The following PTK2 variants were observed in gnomAD, a reference collection of about 807,000 sequenced individuals.
PTK2 encodes focal adhesion kinase 1.
PTK2 carries 45 observed loss-of-function variants against 150.1 expected under a neutral mutation model. The observed-to-expected ratio is 0.30, with a 90% CI of 0.24 to 0.38. The LOEUF (loss-of-function observed/expected upper bound fraction) is 0.38, where lower values mean the gene tolerates loss of function less well. Among genes scored for constraint, PTK2 ranks in the 10% least tolerant of loss-of-function variants. The pLI, the probability that PTK2 is intolerant of heterozygous loss-of-function variation, is 1.00. For synonymous variants in PTK2, 432 were observed against 449.2 expected, an observed-to-expected ratio of 0.96 and a Z score of 0.48; for missense variants, 919 against 1,307.3, an observed-to-expected ratio of 0.70 and a Z score of 4.58.
chr8:140,755,252 C>T (rs1212408462), intron 16 of PTK2, among the ~76,000 whole-genome samples: 16 of 152,060 alleles, frequency 1.1e-4, no homozygotes, highest in Admixed American at 2.6e-4. Context: ...ATAATCTTGC[C>T]TAATAAAGAA....
chr8:140,814,161 AATAGCC>A (rs1432561695), intron 10 of PTK2, among the ~76,000 whole-genome samples: 1 of 152,204 alleles, frequency 6.6e-6, no homozygotes, highest in Admixed American at 6.5e-5. Flanking sequence ...ATCCGTAATA[AATAGCC>A]TACCAACCCA....
intron 23 of PTK2, among the ~76,000 whole-genome samples, chr8:140,715,167 T>G (rs867434747): frequency 0.14 from 13,621 of 100,418 alleles, 3,482 homozygotes; most frequent in Non-Finnish European, 0.17. Context: ...TTTTTTTTTT[T>G]TTTTTTTTTT....
chr8:140,862,820 A>C (rs910020270), intron 5 of PTK2, among the ~76,000 whole-genome samples: 1 of 152,100 alleles, frequency 6.6e-6, no homozygotes, highest in African/African-American at 2.4e-5. Context: ...TTCATCCCGA[A>C]ATCATTCCCC....
intron 14 of PTK2, among the ~76,000 whole-genome samples, chr8:140,780,550 A>C (rs1721689279): frequency 6.6e-6 from 1 of 152,218 alleles, no homozygotes; most frequent in African/African-American, 2.4e-5. Context: ...AGAATAGGAC[A>C]AGGGACACAA....
At chr8:140,846,213 T>A (rs755268720) in intron 7 of PTK2, 47 bp downstream of exon 7, 8 of 1,427,400 alleles carry the variant, frequency 5.6e-6, no homozygotes, top group Non-Finnish European at 7.7e-6. Context: ...AAACTAAGAA[T>A]TTAGTTCTGC....
chr8:140,952,902 C>T (rs1452419376), intron 1 of PTK2, among the ~76,000 whole-genome samples: 2 of 152,150 alleles, frequency 1.3e-5, no homozygotes, highest in South Asian at 2.1e-4. Context: ...TCTAGGGCTC[C>T]GTTTTCTGCT....
chr8:140,953,233 G>T (rs560548703), intron 1 of PTK2, among the ~76,000 whole-genome samples: 1 of 152,068 alleles, frequency 6.6e-6, no homozygotes, highest in Non-Finnish European at 1.5e-5. Flanking sequence ...AGTACTTGGC[G>T]CTATATATAC....
At chr8:140,882,022 T>C (rs745892584) in intron 3 of PTK2, among the ~76,000 whole-genome samples, 1 of 152,214 alleles carries the variant, frequency 6.6e-6, no homozygotes, top group East Asian at 1.9e-4. Context: ...TCACTCTCCA[T>C]GAAACAGTGA....
intron 2 of PTK2, among the ~76,000 whole-genome samples, chr8:140,895,362 A>G (rs1250366713): frequency 6.6e-6 from 1 of 152,000 alleles, no homozygotes; most frequent in African/African-American, 2.4e-5. Context: ...CTACAAAATA[A>G]TTTAAAAAAA....
In PTK2 at chr8:140,949,166, ATCT is replaced by A. The variant is rs368037946; in HGVS notation, c.-121-23420_-121-23418del. On this transcript the variant is annotated intron_variant, in intron 1 of 31. Coordinates refer to ENST00000522684, the Ensembl canonical transcript of PTK2. ...TCTATATTTCTTAATATTTCTTATG[ATCT>A]TCTTAATATTTTTTCTCTAGTTTAC... is the stretch of plus-strand genomic sequence containing the variant. Among the ~76,000 whole-genome samples, 185 of 152,142 alleles carry A rather than the reference ATCT, an allele frequency of 1.2e-3. 1 individual carries two copies. The highest frequency in any genetic ancestry group is 8.3e-3 in the East Asian group (43 of 5,182).
intron 17 of PTK2, among the ~76,000 whole-genome samples, chr8:140,748,651 A>AT (rs2100060989): frequency 6.6e-6 from 1 of 152,208 alleles, no homozygotes; most frequent in African/African-American, 2.4e-5. Context: ...TGGCAGTAAC[A>AT]TGAGTTTGAC....
Position 140,793,392 on chromosome 8 carries a change from GA to G in PTK2, c.1094-9del. ...GCAAAGCCCGTTCACCTTCTGCGGG[GA>G]AAAAGAAAAGAGATGCATAAGGCTC... On this transcript the variant is annotated splice_polypyrimidine_tract_variant and intron_variant, in intron 12 of 31. Transcript: ENST00000522684. 4 of 1,608,578 alleles carry G rather than the reference GA, an allele frequency of 2.5e-6. No homozygotes were observed. The highest frequency in any genetic ancestry group is 3.4e-6 in the Non-Finnish European group (4 of 1,178,496).
At chr8:140,755,683 C>T (rs2100065258) in intron 16 of PTK2, among the ~76,000 whole-genome samples, 1 of 152,090 alleles carries the variant, frequency 6.6e-6, no homozygotes. Context: ...GTCTTTTTTG[C>T]CTGTCAACTT....
At chr8:140,753,643 G>C (rs2100064022) in intron 16 of PTK2, among the ~76,000 whole-genome samples, 1 of 152,062 alleles carries the variant, frequency 6.6e-6, no homozygotes, top group African/African-American at 2.4e-5. Context: ...CCAAGAAAAT[G>C]TGTTGCTCTG....
intron 13 of PTK2, among the ~76,000 whole-genome samples, chr8:140,790,555 G>A (rs894814223): frequency 6.6e-6 from 1 of 152,142 alleles, no homozygotes; most frequent in East Asian, 1.9e-4. Flanking sequence ...GCAACATGTT[G>A]GTCCTCAAAA....
At chr8:140,985,844 T>C (rs12544404) in intron 1 of PTK2, among the ~76,000 whole-genome samples, 20,413 of 151,990 alleles carry the variant, frequency 0.13, 1,848 homozygotes, top group Admixed American at 0.28. Flanking sequence ...TACTTAATAG[T>C]TATCTACTCA....
intron 3 of PTK2, among the ~76,000 whole-genome samples, chr8:140,883,269 CAATTCTGACCCTCAGA>C (rs2100150286): frequency 6.6e-6 from 1 of 152,162 alleles, no homozygotes; most frequent in Non-Finnish European, 1.5e-5. Flanking sequence ...GGTTAAGATG[CAATTCTGACCCTCAGA>C]AGTCTTAAAG....
intron 2 of PTK2, among the ~76,000 whole-genome samples, chr8:140,921,933 A>C (rs2100167618): frequency 6.6e-6 from 1 of 152,238 alleles, no homozygotes; most frequent in African/African-American, 2.4e-5. Context: ...ATAATTAGTA[A>C]CTAGGCTCCT....
At chr8:140,737,890 C>T (rs373252731) in intron 21 of PTK2, among the ~76,000 whole-genome samples, 1 of 152,216 alleles carries the variant, frequency 6.6e-6, no homozygotes, top group East Asian at 1.9e-4. Context: ...CACACATCAA[C>T]TGGACTTCAG....
Sources: gnomAD v4.1 joint callset for allele counts (sites outside exome capture counted in the v4.1 genomes callset) on GRCh38, gnomAD v4.1.1 for gene constraint, MANE v1.5 for transcripts, NCBI Gene and HGNC (gene_info 2026-07-23, HGNC 2026-07-21) for gene names.